The following GNA14 variants were observed in gnomAD, a reference collection of about 807,000 sequenced individuals.
GNA14 encodes G protein subunit alpha 14.
In GNA14, 50 loss-of-function variants were observed where a neutral mutation model predicts 42.0. The ratio of observed to expected loss-of-function variants is 1.19; its 90% CI spans 0.95 to 1.51. The LOEUF is 1.51. Ranked by LOEUF, GNA14 falls within the 40% of genes most tolerant of loss-of-function variation. The pLI is 0.00. For synonymous variants in GNA14, 173 were observed against 163.1 expected (o/e 1.06, Z -0.46); for missense variants, 473 against 446.2 (o/e 1.06, Z -0.54).
chr9:77,580,655 G>A (rs1484451230), intron 1 of GNA14: 1 of 350,610 alleles, frequency 2.9e-6, no homozygotes, highest in Non-Finnish European at 5.8e-6. Flanking sequence ...CACTCACACT[G>A]TTTCCTCCTC....
chr9:77,447,154 A>G (rs773789309), intron 2 of GNA14, among the ~76,000 whole-genome samples: 9 of 152,166 alleles, frequency 5.9e-5, no homozygotes, highest in Non-Finnish European at 1.3e-4. Context: ...CATGTTAGCC[A>G]GGCTGGTCTC....
chr9:77,466,805 C>T lies in GNA14; in HGVS notation c.310-32283G>A, dbSNP rs186900886. On this transcript the variant is annotated intron_variant, in intron 2 of 6. Transcript: ENST00000341700. ...TTTGTTGTTTGGTCATTTGTTTGTT[C>T]GTTTAGGGACTCTGTGTGACTAACT... Among the ~76,000 whole-genome samples, 43 of 152,176 alleles carry T rather than the reference C, an allele frequency of 2.8e-4. 1 individual carries two copies. The South Asian group carries it at 6.6e-3, about 23-fold the overall frequency.
At chr9:77,534,916 G>A (rs891329004) in intron 1 of GNA14, among the ~76,000 whole-genome samples, 1 of 152,198 alleles carries the variant, frequency 6.6e-6, no homozygotes, top group South Asian at 2.1e-4. Flanking sequence ...GCTCAGAGTG[G>A]ATGAGTCTGT....
intron 1 of GNA14, among the ~76,000 whole-genome samples, chr9:77,606,806 C>T (rs1041929155): frequency 1.3e-5 from 2 of 152,170 alleles, no homozygotes; most frequent in African/African-American, 4.8e-5. Context: ...GAAACCCTAA[C>T]CCATAGTGCA....
chr9:77,569,749 T>A (rs1823031667), intron 1 of GNA14, among the ~76,000 whole-genome samples: 1 of 151,680 alleles, frequency 6.6e-6, no homozygotes, highest in Admixed American at 6.6e-5. Flanking sequence ...AGTAGGGATA[T>A]GTTTTTCTTT....
chr9:77,514,497 T>C (rs931701988), intron 2 of GNA14, among the ~76,000 whole-genome samples: 2 of 152,036 alleles, frequency 1.3e-5, no homozygotes, highest in Non-Finnish European at 2.9e-5. Context: ...TTAAGAATTA[T>C]AATGTAATAC....
intron 1 of GNA14, among the ~76,000 whole-genome samples, chr9:77,542,025 T>G (rs1187192513): frequency 6.6e-6 from 1 of 152,224 alleles, no homozygotes; most frequent in Non-Finnish European, 1.5e-5. Flanking sequence ...TCTTTGAGAT[T>G]TTGTGAATTT....
chr9:77,501,060 T>C (rs1229891409), intron 2 of GNA14, among the ~76,000 whole-genome samples: 1 of 152,168 alleles, frequency 6.6e-6, no homozygotes, highest in African/African-American at 2.4e-5. Flanking sequence ...GTTGAAGTAA[T>C]TCTCCTGCCT....
At chr9:77,522,023 G>T (rs1173744282) in intron 2 of GNA14, among the ~76,000 whole-genome samples, 1 of 152,120 alleles carries the variant, frequency 6.6e-6, no homozygotes. Flanking sequence ...TTTTAATAGA[G>T]ACAGGGCTTC....
At chr9:77,448,957 C>G (rs1200704452) in intron 2 of GNA14, among the ~76,000 whole-genome samples, 1 of 152,204 alleles carries the variant, frequency 6.6e-6, no homozygotes, top group African/African-American at 2.4e-5. Flanking sequence ...TGTGGACCTG[C>G]CCCAACTGGA....
intron 2 of GNA14, among the ~76,000 whole-genome samples, chr9:77,460,837 G>A (rs765140198): frequency 2.0e-5 from 3 of 152,120 alleles, no homozygotes; most frequent in Admixed American, 2.0e-4. Flanking sequence ...GAAGAGCAGG[G>A]GCCAGGTCCA....
At chr9:77,430,837 C>T (rs935832669) in intron 4 of GNA14, among the ~76,000 whole-genome samples, 3 of 152,196 alleles carry the variant, frequency 2.0e-5, no homozygotes, top group Non-Finnish European at 4.4e-5. Context: ...GAAATGCATA[C>T]ATTTTTACAC....
At chr9:77,517,165 T>A (rs1465138142) in intron 2 of GNA14, among the ~76,000 whole-genome samples, 2 of 152,206 alleles carry the variant, frequency 1.3e-5, no homozygotes, top group Admixed American at 6.5e-5. Flanking sequence ...TTCTTCCTCA[T>A]CTTCCTGCCC....
rs541330576 is a variant in GNA14 at position 77,575,883 on chromosome 9, G to A, written c.125-46630C>T. ...TAACAAGAAGACAAGTATAAGAACTGCCATTTTGTGTCAACACAGCCATCC... is the reference window on the plus strand; with the variant it reads ...TAACAAGAAGACAAGTATAAGAACTACCATTTTGTGTCAACACAGCCATCC... On this transcript the variant is annotated intron_variant, in intron 1 of 6. Transcript: ENST00000341700. Among the ~76,000 whole-genome samples the A allele has an allele frequency of 6.6e-5, 10 of 152,282 alleles. No individual in the cohort carries two copies. The East Asian group carries it at 7.7e-4, about 12-fold the overall frequency.
intron 2 of GNA14, among the ~76,000 whole-genome samples, chr9:77,466,090 T>C (rs1322998371): frequency 6.6e-6 from 1 of 152,228 alleles, no homozygotes; most frequent in Non-Finnish European, 1.5e-5. Context: ...GGTGAATGCA[T>C]ATGGCTTTCT....
At chr9:77,441,988 G>A (rs947283765) in intron 2 of GNA14, among the ~76,000 whole-genome samples, 4 of 152,178 alleles carry the variant, frequency 2.6e-5, no homozygotes, top group African/African-American at 9.7e-5. Flanking sequence ...AGGTAAAGGA[G>A]GATGACTAGG....
intron 2 of GNA14, among the ~76,000 whole-genome samples, chr9:77,437,822 C>G (rs555128182): frequency 1.3e-5 from 2 of 152,056 alleles, no homozygotes. Flanking sequence ...ATATGTGGCA[C>G]GAGTGAGCAA....
chr9:77,600,432 G>T (rs1464230965), intron 1 of GNA14, among the ~76,000 whole-genome samples: 1 of 152,192 alleles, frequency 6.6e-6, no homozygotes, highest in East Asian at 1.9e-4. Flanking sequence ...GGCGTACACA[G>T]GTATGAATGA....
intron 2 of GNA14, among the ~76,000 whole-genome samples, chr9:77,468,453 G>A (rs1231444401): frequency 6.6e-6 from 1 of 152,006 alleles, no homozygotes; most frequent in Non-Finnish European, 1.5e-5. Context: ...TTCTCTTTTT[G>A]GTCACTGTCT....
Sources: allele counts gnomAD v4.1 joint callset (sites outside exome capture counted in the v4.1 genomes callset), GRCh38; gene constraint gnomAD v4.1.1; transcripts MANE v1.5; gene names NCBI Gene and HGNC (gene_info 2026-07-23, HGNC 2026-07-21).